The following SPOCK1 variants were observed in gnomAD, a reference collection of about 807,000 sequenced individuals.
SPOCK1 encodes SPARC (osteonectin), cwcv and kazal like domains proteoglycan 1, also known as testican-1.
A neutral mutation model predicts 55.3 loss-of-function variants in SPOCK1; 23 were observed. The ratio of observed to expected loss-of-function variants is 0.42; its 90% CI spans 0.30 to 0.59. The LOEUF (loss-of-function observed/expected upper bound fraction) is 0.59. SPOCK1 is among the 20% of genes least tolerant of loss of function. SPOCK1 has a pLI of 0.22. For synonymous variants in SPOCK1, 226 were observed against 221.0 expected (o/e 1.02, Z -0.20); for missense variants, 499 against 552.5 (o/e 0.90, Z 0.97).
intron 6 of SPOCK1, among the ~76,000 whole-genome samples, chr5:137,005,660 T>C (rs1003609458): frequency 1.3e-5 from 2 of 150,962 alleles, no homozygotes; most frequent in Non-Finnish European, 3.0e-5. Flanking sequence ...AGGGGAAAAA[T>C]ACAAGAGAGA....
chr5:137,293,620 T>C (rs1757418548), intron 2 of SPOCK1, among the ~76,000 whole-genome samples: 1 of 152,198 alleles, frequency 6.6e-6, no homozygotes, highest in Non-Finnish European at 1.5e-5. Context: ...GAATCATGAA[T>C]ACTACCATAA....
intron 2 of SPOCK1, among the ~76,000 whole-genome samples, chr5:137,301,122 G>A (rs1757580721): frequency 6.6e-6 from 1 of 152,102 alleles, no homozygotes; most frequent in African/African-American, 2.4e-5. Flanking sequence ...TGCCTCCATT[G>A]GAATTAAGAA....
chr5:137,105,282 A>T (rs1753343216), intron 5 of SPOCK1, among the ~76,000 whole-genome samples: 1 of 152,164 alleles, frequency 6.6e-6, no homozygotes, highest in African/African-American at 2.4e-5. Flanking sequence ...AGTCAGAAGC[A>T]AGGCCCTCAC....
chr5:137,302,876 T>C (rs914873264), intron 2 of SPOCK1, among the ~76,000 whole-genome samples: 2 of 152,172 alleles, frequency 1.3e-5, no homozygotes, highest in African/African-American at 4.8e-5. Context: ...TCCATTCATT[T>C]CCACAATAGT....
chr5:137,192,283 C>G (rs1755198061), intron 3 of SPOCK1, among the ~76,000 whole-genome samples: 1 of 151,380 alleles, frequency 6.6e-6, no homozygotes, highest in Admixed American at 6.6e-5. Context: ...CAGAGAGTCT[C>G]CTTCCCAGGG....
rs1750642280 is a variant in SPOCK1 at position 136,977,553 on chromosome 5, A to G, written c.*1101T>C. 1 of 371,346 alleles carries G rather than the reference A, an allele frequency of 2.7e-6. No homozygotes were observed. The highest frequency in any genetic ancestry group is 4.8e-6 in the Non-Finnish European group (1 of 209,600). 23.0% of individuals were successfully genotyped at this position (371,346 alleles called of 1,614,324 possible). Reference sequence around the variant, plus strand: ...AAGGAACACCATGGTACTCTCAGAGAACAGGAGATATGTGTGCATGCCTTA... The same window carrying G: ...AAGGAACACCATGGTACTCTCAGAGGACAGGAGATATGTGTGCATGCCTTA... On this transcript the variant is annotated 3_prime_UTR_variant, in exon 11 of 11. Transcript: ENST00000394945.
chr5:137,340,614 C>T (rs763631787), intron 2 of SPOCK1, among the ~76,000 whole-genome samples: 20 of 152,186 alleles, frequency 1.3e-4, no homozygotes, highest in Non-Finnish European at 2.4e-4. Flanking sequence ...GGCACGGTGG[C>T]TCACGCCTGT....
intron 2 of SPOCK1, among the ~76,000 whole-genome samples, chr5:137,414,055 T>C (rs574677619): frequency 5.3e-5 from 8 of 152,366 alleles, no homozygotes; most frequent in Admixed American, 1.3e-4. Flanking sequence ...CCGTGATTGG[T>C]AAATGATTCC....
chr5:137,472,092 G>A (rs1467295564), intron 2 of SPOCK1, among the ~76,000 whole-genome samples: 2 of 152,130 alleles, frequency 1.3e-5, no homozygotes, highest in African/African-American at 2.4e-5. Flanking sequence ...AGGGTGGCTC[G>A]CCAAAGACTC....
intron 3 of SPOCK1, among the ~76,000 whole-genome samples, chr5:137,218,340 C>T (rs540778591): frequency 3.9e-5 from 6 of 152,292 alleles, no homozygotes; most frequent in East Asian, 3.9e-4. Flanking sequence ...AGAAGGTATA[C>T]CAAAGATGAC....
At chr5:137,491,381 G>C (rs1561549651) in intron 2 of SPOCK1, among the ~76,000 whole-genome samples, 1 of 152,142 alleles carries the variant, frequency 6.6e-6, no homozygotes, top group South Asian at 2.1e-4. Flanking sequence ...ATTACTAATA[G>C]AGTGAGACAT....
chr5:137,291,100 C>T (rs1757361501), intron 2 of SPOCK1, among the ~76,000 whole-genome samples: 1 of 152,178 alleles, frequency 6.6e-6, no homozygotes, highest in South Asian at 2.1e-4. Context: ...ATCCAGAACC[C>T]ACATGCTTAA....
intron 2 of SPOCK1, among the ~76,000 whole-genome samples, chr5:137,311,653 CT>C (rs1313306307): frequency 6.6e-6 from 1 of 152,100 alleles, no homozygotes; most frequent in Non-Finnish European, 1.5e-5. Context: ...GACTTTTCTC[CT>C]TTTGATAAAT....
chr5:137,495,573 G>C (rs1040545948), intron 2 of SPOCK1, among the ~76,000 whole-genome samples: 3 of 152,216 alleles, frequency 2.0e-5, no homozygotes. Flanking sequence ...GCCTTTCAAA[G>C]TTATCAGTAG....
At chr5:137,191,956 C>T (rs1470435392) in intron 3 of SPOCK1, among the ~76,000 whole-genome samples, 3 of 152,006 alleles carry the variant, frequency 2.0e-5, no homozygotes, top group African/African-American at 4.8e-5. Context: ...GCGCAGTGGC[C>T]GGGTGCAGTG....
intron 2 of SPOCK1, among the ~76,000 whole-genome samples, chr5:137,379,808 G>A (rs1310751815): frequency 6.6e-6 from 1 of 152,150 alleles, no homozygotes; most frequent in Non-Finnish European, 1.5e-5. Context: ...GCTGTAAGGT[G>A]AGTGGGGCTT....
intron 2 of SPOCK1, among the ~76,000 whole-genome samples, chr5:137,370,676 A>C (rs982975703): frequency 2.0e-5 from 3 of 152,246 alleles, no homozygotes; most frequent in African/African-American, 7.2e-5. Context: ...AATTTATATC[A>C]GGCCTAAATG....
At chr5:137,393,370 C>T (rs1751768318) in intron 2 of SPOCK1, among the ~76,000 whole-genome samples, 1 of 152,180 alleles carries the variant, frequency 6.6e-6, no homozygotes, top group Non-Finnish European at 1.5e-5. Flanking sequence ...CCTGAGCTAG[C>T]TTCTAGGAGA....
At chr5:137,404,624 T>C (rs1198028443) in intron 2 of SPOCK1, among the ~76,000 whole-genome samples, 1 of 151,122 alleles carries the variant, frequency 6.6e-6, no homozygotes, top group African/African-American at 2.4e-5. Context: ...TTCACTATGC[T>C]GGCTAGGCTG....
Sources: allele counts gnomAD v4.1 joint callset (sites outside exome capture counted in the v4.1 genomes callset), GRCh38; gene constraint gnomAD v4.1.1; transcripts MANE v1.5; gene names NCBI Gene and HGNC (gene_info 2026-07-23, HGNC 2026-07-21).